The following KY variants were observed in gnomAD, a reference collection of about 807,000 sequenced individuals.
KY encodes kyphoscoliosis peptidase.
A neutral mutation model predicts 76.1 loss-of-function variants in KY; 43 were observed. That is an observed-to-expected ratio of 0.57 (90% confidence interval 0.44 to 0.73). The LOEUF (loss-of-function observed/expected upper bound fraction) is 0.73. Among genes scored for constraint, KY ranks in the 30% least tolerant of loss-of-function variants. The pLI is 0.00. For missense variants in KY, 722 were observed against 828.9 expected, an observed-to-expected ratio of 0.87 and a Z score of 1.58; for synonymous variants, 277 against 326.2, an observed-to-expected ratio of 0.85 and a Z score of 1.63.
intron 4 of KY, among the ~76,000 whole-genome samples, chr3:134,629,034 C>G (rs4245907): frequency 0.64 from 96,942 of 152,080 alleles, 31,570 homozygotes; most frequent in East Asian, 0.88. Context: ...CCATAAGGTG[C>G]ACAGATGCAG....
intron 4 of KY, 172 bp downstream of exon 4, chr3:134,629,449 G>A (rs906940102): frequency 1.7e-6 from 1 of 577,372 alleles, no homozygotes; most frequent in African/African-American, 1.9e-5. Context: ...GCTGGGTGTA[G>A]AGAAAAGAGT....
chr3:134,640,939 C>T (rs1175496313), intron 3 of KY, among the ~76,000 whole-genome samples: 1 of 152,192 alleles, frequency 6.6e-6, no homozygotes, highest in African/African-American at 2.4e-5. Flanking sequence ...TTTCCAATCA[C>T]ACTCAGATTA....
At chr3:134,629,781 C>A in intron 3 of KY, 86 bp from the exon 4 acceptor site, 1 of 820,626 alleles carries the variant, frequency 1.2e-6, no homozygotes, top group Non-Finnish European at 2.0e-6. Flanking sequence ...AATAAAAAAA[C>A]AATTAGTTTT....
chr3:134,601,883 C>A lies in KY; in HGVS notation c.*1696G>T, dbSNP rs1216186875. Among the ~76,000 whole-genome samples the A allele has an allele frequency of 6.6e-6, 1 of 152,232 alleles. No individual in the cohort carries two copies. Reference sequence around the variant, plus strand: ...GCCTGGATCTTCAGTCAGGCCTGGGCAGGGAAGGCTGCTGCTGCCTGGCAG... The same window carrying A: ...GCCTGGATCTTCAGTCAGGCCTGGGAAGGGAAGGCTGCTGCTGCCTGGCAG... On this transcript the variant is annotated 3_prime_UTR_variant, in exon 11 of 11. Transcript: ENST00000423778.
intron 3 of KY, among the ~76,000 whole-genome samples, chr3:134,634,532 T>A (rs4438702): frequency 0.97 from 148,489 of 152,320 alleles, 72,489 homozygotes; most frequent in East Asian, 1. Context: ...AAAAGAGATT[T>A]TGGATGGAAA....
chr3:134,650,790 GGGGGACCC>G, intron 1 of KY, 27 bp downstream of exon 1: 1 of 1,533,910 alleles, frequency 6.5e-7, no homozygotes, highest in Non-Finnish European at 8.8e-7. Flanking sequence ...CCAAGGTGCC[GGGGGACCC>G]GGGGACCCGG....
intron 3 of KY, among the ~76,000 whole-genome samples, chr3:134,639,132 T>A (rs58876680): frequency 6.7e-6 from 1 of 149,836 alleles, no homozygotes; most frequent in African/African-American, 2.5e-5. Flanking sequence ...ATTGGTAGTT[T>A]AAAAAAAAAT....
Position 134,608,833 on chromosome 3 carries a change from A to G in KY, c.906T>C (p.Asn302=). 1.2e-6 allele frequency: 2 copies of G among 1,608,216 alleles called. No homozygotes were observed. The highest frequency in any genetic ancestry group is 2.2e-5 in the South Asian group (2 of 90,686). ...CAGGGTGGGTGAGGAAGTAGAACTC[A>G]TTGTAGCTGGAGCAGAGACAAGCTG... is the stretch of plus-strand genomic sequence containing the variant. ...TITSKFTFLY[N]EFYFLTHPAL... is the part of the protein sequence containing the mutation. Residue 302 remains asparagine, a synonymous_variant, in exon 10 of 11, where the codon AAT becomes AAC. Transcript: ENST00000423778.
chr3:134,609,089 AG>A (rs1023303687), intron 9 of KY, among the ~76,000 whole-genome samples: 2 of 152,182 alleles, frequency 1.3e-5, no homozygotes, highest in African/African-American at 4.8e-5. Flanking sequence ...TAGGCTGTCG[AG>A]GGGAAAACTG....
chr3:134,633,331 A>G (rs1340396959), intron 3 of KY, among the ~76,000 whole-genome samples: 1 of 152,130 alleles, frequency 6.6e-6, no homozygotes, highest in African/African-American at 2.4e-5. Context: ...CCCCTTATAA[A>G]TGTAAACACA....
chr3:134,631,101 A>G (rs1375798833), intron 3 of KY, among the ~76,000 whole-genome samples: 1 of 152,246 alleles, frequency 6.6e-6, no homozygotes, highest in South Asian at 2.1e-4. Context: ...TCAATACCCA[A>G]AAGTCTAACA....
intron 2 of KY, among the ~76,000 whole-genome samples, chr3:134,643,621 A>G (rs1267845718): frequency 1.3e-5 from 2 of 152,238 alleles, no homozygotes; most frequent in Admixed American, 1.3e-4. Context: ...GTGCCAGCAC[A>G]GGCTGGGTTT....
In KY at chr3:134,629,736, C is replaced by A. The variant is rs368499452; in HGVS notation, c.263-41G>T. 1.0e-5 allele frequency: 14 copies of A among 1,339,708 alleles called. No individual in the cohort carries two copies. In the East Asian group the frequency reaches 1.2e-4, roughly 12 times the overall value. 83.0% of individuals were successfully genotyped at this position (1,339,708 alleles called of 1,614,324 possible). ...AGATGACATTCTCAACCAGATGCTG[C>A]CAGGAAAGGGTGAATGCCTCATGAC... On this transcript the variant is annotated intron_variant, in intron 3 of 10. Transcript: ENST00000423778.
intron 2 of KY, 24 bp downstream of exon 2, chr3:134,647,411 G>C: frequency 6.4e-7 from 1 of 1,567,972 alleles, no homozygotes; most frequent in South Asian, 1.1e-5. Context: ...AATCCTATAG[G>C]TTGAAAGGAA....
chr3:134,621,908 G>A (rs1328128322), intron 6 of KY, among the ~76,000 whole-genome samples: 1 of 152,068 alleles, frequency 6.6e-6, no homozygotes, highest in African/African-American at 2.4e-5. Context: ...CAAAGGACTT[G>A]AACAGATATT....
intron 7 of KY, among the ~76,000 whole-genome samples, chr3:134,620,323 GC>G (rs1029449915): frequency 7.2e-5 from 11 of 152,152 alleles, no homozygotes; most frequent in African/African-American, 2.4e-4. Flanking sequence ...GCTTTTCCTG[GC>G]CCTGGTATTT....
At chr3:134,612,935 A>G (rs967145895) in intron 8 of KY, 1 of 152,416 alleles carries the variant, frequency 6.6e-6, no homozygotes, top group African/African-American at 2.4e-5. Flanking sequence ...TAAATTTTTA[A>G]TAATGATTAT....
chr3:134,623,876 C>G (rs1963046649), intron 6 of KY, among the ~76,000 whole-genome samples: 1 of 152,148 alleles, frequency 6.6e-6, no homozygotes, highest in South Asian at 2.1e-4. Context: ...TTGCCCCAGC[C>G]CCTTTGATGG....
intron 9 of KY, among the ~76,000 whole-genome samples, chr3:134,609,203 A>C (rs1175718567): frequency 6.6e-6 from 1 of 152,178 alleles, no homozygotes; most frequent in Non-Finnish European, 1.5e-5. Context: ...AGAGTGCTTG[A>C]ATTCACTGCC....
Sources: allele counts gnomAD v4.1 joint callset (sites outside exome capture counted in the v4.1 genomes callset), GRCh38; gene constraint gnomAD v4.1.1; transcripts MANE v1.5; gene names NCBI Gene and HGNC (gene_info 2026-07-23, HGNC 2026-07-21).